The following IARS1 variants were observed in gnomAD, a reference collection of about 807,000 sequenced individuals.
IARS1 encodes isoleucine--tRNA ligase, cytoplasmic.
A neutral mutation model predicts 168.2 loss-of-function variants in IARS1; 124 were observed. That is an observed-to-expected ratio of 0.74 (90% confidence interval 0.64 to 0.86). The LOEUF is 0.86. IARS1 is among the 40% of genes least tolerant of loss of function. The probability of loss-of-function intolerance (pLI) is 0.00; values close to 1 mark genes in which losing one functional copy is unlikely to be tolerated. For missense variants in IARS1, 1,452 were observed against 1,515.8 expected (o/e 0.96, Z 0.70); for synonymous variants, 532 against 529.4 (o/e 1.00, Z -0.07).
At chr9:92,241,011 T>G (rs1292500477) in intron 29 of IARS1, 50 bp from the exon 30 acceptor site, 5 of 1,007,414 alleles carry the variant, frequency 5.0e-6, no homozygotes, top group Non-Finnish European at 6.4e-6. Flanking sequence ...CTGACTGCAA[T>G]GTGCCACACC....
chr9:92,271,170 G>A, intron 11 of IARS1, 94 bp from the exon 12 acceptor site: 1 of 680,224 alleles, frequency 1.5e-6, no homozygotes, highest in Non-Finnish European at 2.4e-6. Flanking sequence ...ATGAATAAAA[G>A]GCACAAATAA....
At chr9:92,230,621 T>C (rs1826519619) in intron 30 of IARS1, among the ~76,000 whole-genome samples, 1 of 152,242 alleles carries the variant, frequency 6.6e-6, no homozygotes, top group South Asian at 2.1e-4. Context: ...TTCAGTTCTC[T>C]GGGATAAACA....
intron 10 of IARS1, among the ~76,000 whole-genome samples, chr9:92,272,476 C>T (rs1049485866): frequency 5.9e-5 from 9 of 152,212 alleles, no homozygotes; most frequent in Admixed American, 2.6e-4. Context: ...AACAGGATGA[C>T]GCACAAGTGC....
intron 9 of IARS1, among the ~76,000 whole-genome samples, chr9:92,276,916 GA>G (rs1690173795): frequency 6.6e-6 from 1 of 152,208 alleles, no homozygotes; most frequent in Admixed American, 6.5e-5. Context: ...TGACTCTGAA[GA>G]AACTAAGGTG....
In IARS1 at chr9:92,286,742, A is replaced by G. The variant is rs143090886; in HGVS notation, c.397-124T>C. 43 of 571,128 alleles carry G rather than the reference A, an allele frequency of 7.5e-5. No individual in the cohort carries two copies. The East Asian group carries it at 1.3e-3, about 17-fold the overall frequency. The allele number at this position is 571,128 out of a possible 1,614,324, so 35.4% of individuals were successfully genotyped here. On this transcript the variant is annotated intron_variant, in intron 4 of 33. Transcript: ENST00000443024. ...GGAAAACAGAATAATCAATGGTACAAGTAAATCTATACTGCCAACAACATA... is the reference window on the plus strand; with the variant it reads ...GGAAAACAGAATAATCAATGGTACAGGTAAATCTATACTGCCAACAACATA...
At position 92,258,917 on chromosome 9, in the gene IARS1, A is replaced by G. The variant is rs79845272; in HGVS notation, c.1953T>C (p.Asp651=). ...KEEGVRDVLK[D]VLLPWYNAYR... is the part of the protein sequence containing the mutation. ...AGGCATTGTACCATGGGAGCAGTAC[A>G]TCCTTAAGGACGTCCCGCACACCCT... is the stretch of plus-strand genomic sequence containing the variant. The change falls in exon 19 of 34, where the codon GAT becomes GAC. Residue 651 remains aspartate, a synonymous_variant. Transcript: ENST00000443024. 6.2e-7 allele frequency: 1 copy of G among 1,613,974 alleles called. No individual in the cohort carries two copies. Among genetic ancestry groups the G allele is most frequent in the African/African-American group, 1.3e-5 (1 of 75,048 alleles).
intron 2 of IARS1, 87 bp from the exon 3 acceptor site, chr9:92,288,369 G>T: frequency 9.1e-7 from 1 of 1,098,094 alleles, no homozygotes; most frequent in Non-Finnish European, 1.4e-6. Flanking sequence ...TCATAGTGGA[G>T]TCTTCAAGGA....
chr9:92,215,092 C>T (rs1044376062), intron 33 of IARS1, among the ~76,000 whole-genome samples: 12 of 152,316 alleles, frequency 7.9e-5, no homozygotes, highest in Admixed American at 1.3e-4. Context: ...GGCAGACTGC[C>T]TCCTCAAGTG....
At chr9:92,267,231 G>A (rs537273962) in intron 14 of IARS1, among the ~76,000 whole-genome samples, 7 of 152,296 alleles carry the variant, frequency 4.6e-5, no homozygotes, top group South Asian at 4.1e-4. Context: ...ACTGCTGTGC[G>A]TTCTCACCCA....
chr9:92,258,928 C>T lies in IARS1; in HGVS notation c.1942G>A (p.Val648Ile), dbSNP rs754480662. 8.7e-6 allele frequency: 14 copies of T among 1,613,872 alleles called. No homozygotes were observed. In the Middle Eastern group the frequency reaches 5.0e-4, roughly 57 times the overall value. ...CATGGGAGCAGTACATCCTTAAGGA[C>T]GTCCCGCACACCCTCTTCTTTAAAG... ...LRFKEEGVRD[V>I]LKDVLLPWYN... The change falls in exon 19 of 34, where the codon GTC becomes ATC. Residue 648 changes from valine (V) to isoleucine (I), a missense_variant. Coordinates refer to ENST00000443024, the MANE Select transcript of IARS1 (RefSeq NM_002161.6).
At chr9:92,271,768 A>G in intron 10 of IARS1, 113 bp from the exon 11 acceptor site, 1 of 1,197,956 alleles carries the variant, frequency 8.3e-7, no homozygotes, top group Non-Finnish European at 1.2e-6. Flanking sequence ...CATTTCATCA[A>G]CTTTGTCCTG....
intron 8 of IARS1, 48 bp from the exon 9 acceptor site, chr9:92,277,971 G>A: frequency 6.4e-7 from 1 of 1,552,396 alleles, no homozygotes. Context: ...AATCAAATAT[G>A]AGGCTGCAGC....
chr9:92,260,222 T>A lies in IARS1; in HGVS notation c.1800A>T (p.Lys600Asn), dbSNP rs768833995. The change falls in exon 18 of 34, where the codon AAA (lysine) becomes AAT (asparagine). Residue 600 changes from lysine (K) to asparagine (N), a missense_variant. Coordinates refer to ENST00000443024, the MANE Select transcript of IARS1 (RefSeq NM_002161.6). Reference sequence around the variant, plus strand: ...GATAATTCTTTTTCCGTTTGCTCATTTTTTGGCCATCACTTGTAAAACAAA... The same window carrying A: ...GATAATTCTTTTTCCGTTTGCTCATATTTTGGCCATCACTTGTAAAACAAA... Reference protein sequence around the residue: ...NGLVLASDGQKMSKRKKNYPD... With the variant: ...NGLVLASDGQNMSKRKKNYPD... 1.2e-6 allele frequency: 2 copies of A among 1,613,878 alleles called. No homozygotes were observed. The highest frequency in any genetic ancestry group is 1.7e-5 in the Admixed American group (1 of 60,026).
At chr9:92,277,967 A>G (rs994471019) in intron 8 of IARS1, 44 bp from the exon 9 acceptor site, 24 of 1,563,548 alleles carry the variant, frequency 1.5e-5, no homozygotes, top group Non-Finnish European at 2.0e-5. Flanking sequence ...TTAAAATCAA[A>G]TATGAGGCTG....
chr9:92,260,071 TA>T, intron 18 of IARS1, 79 bp downstream of exon 18: 1 of 956,284 alleles, frequency 1.0e-6, no homozygotes, highest in Non-Finnish European at 1.7e-6. Context: ...AAACCAAATC[TA>T]AGAATACTGA....
intron 19 of IARS1, 48 bp downstream of exon 19, chr9:92,258,806 C>T (rs773393513): frequency 4.6e-6 from 7 of 1,516,678 alleles, no homozygotes; most frequent in African/African-American, 2.8e-5. Flanking sequence ...GTGAAGGGAG[C>T]GCTGTGGAGA....
intron 1 of IARS1, among the ~76,000 whole-genome samples, chr9:92,293,105 T>A (rs191587869): frequency 2.2e-4 from 34 of 152,344 alleles, no homozygotes; most frequent in Non-Finnish European, 4.0e-4. Context: ...TTAAGTCAAA[T>A]GTAACCTGAA....
At chr9:92,238,446 A>G (rs530240148) in intron 30 of IARS1, among the ~76,000 whole-genome samples, 2 of 152,244 alleles carry the variant, frequency 1.3e-5, no homozygotes, top group African/African-American at 4.8e-5. Flanking sequence ...CCTGGCTTCT[A>G]TCTTGCTCCC....
chr9:92,241,236 C>T (rs1386162164), intron 29 of IARS1, among the ~76,000 whole-genome samples: 1 of 152,206 alleles, frequency 6.6e-6, no homozygotes, highest in African/African-American at 2.4e-5. Flanking sequence ...CAACTCGCCT[C>T]ACTGAAAAAA....
Sources: allele counts gnomAD v4.1 joint callset (sites outside exome capture counted in the v4.1 genomes callset), GRCh38; gene constraint gnomAD v4.1.1; transcripts MANE v1.5; gene names NCBI Gene and HGNC (gene_info 2026-07-23, HGNC 2026-07-21).